Variants in RAPGEF5 observed in about 807,000 individuals in gnomAD.
RAPGEF5 encodes the protein M-Ras-regulated GEF.
In RAPGEF5, 65 loss-of-function variants were observed where a neutral mutation model predicts 125.2. The ratio of observed to expected loss-of-function variants is 0.52; its 90% CI spans 0.43 to 0.64. RAPGEF5 has a LOEUF of 0.64. Ranked by LOEUF, RAPGEF5 falls within the 30% of genes least tolerant of loss-of-function variation. The probability of loss-of-function intolerance (pLI) is 0.00; values close to 1 mark genes in which losing one functional copy is unlikely to be tolerated. For synonymous variants in RAPGEF5, 391 were observed against 385.9 expected, an observed-to-expected ratio of 1.01 and a Z score of -0.16; for missense variants, 958 against 1,048.1, an observed-to-expected ratio of 0.91 and a Z score of 1.19.
chr7:22,298,924 C>T (rs1356392992), intron 5 of RAPGEF5, among the ~76,000 whole-genome samples: 3 of 151,828 alleles, frequency 2.0e-5, no homozygotes, highest in Non-Finnish European at 2.9e-5. Context: ...TGTTAGCTTT[C>T]AAATGTAAGT....
chr7:22,195,330 T>G (rs79309234), intron 9 of RAPGEF5, among the ~76,000 whole-genome samples: 10,384 of 152,236 alleles, frequency 0.068, 423 homozygotes, highest in Middle Eastern at 0.13. Context: ...CTGATAACAA[T>G]TGTGACTTTA....
chr7:22,193,714 C>A (rs199550982), intron 10 of RAPGEF5: 2 of 1,553,256 alleles, frequency 1.3e-6, no homozygotes, highest in Non-Finnish European at 1.7e-6. Context: ...ATCTTGCCAT[C>A]CCTGTCCTTT....
intron 21 of RAPGEF5, among the ~76,000 whole-genome samples, chr7:22,138,095 T>C (rs1783137386): frequency 6.6e-6 from 1 of 151,358 alleles, no homozygotes; most frequent in South Asian, 2.1e-4. Flanking sequence ...AGACACAAAA[T>C]GGAGATATTT....
chr7:22,248,590 T>C (rs772758058), intron 7 of RAPGEF5, among the ~76,000 whole-genome samples: 4 of 152,188 alleles, frequency 2.6e-5, no homozygotes, highest in African/African-American at 7.2e-5. Flanking sequence ...GCAAGAAGTA[T>C]TCCTAGCCAG....
chr7:22,331,123 C>A (rs533184851), intron 1 of RAPGEF5, among the ~76,000 whole-genome samples: 44 of 152,168 alleles, frequency 2.9e-4, no homozygotes, highest in Admixed American at 1.4e-3. Flanking sequence ...ATGCAAACTG[C>A]GACACAGATA....
chr7:22,276,088 G>T (rs145841909), intron 6 of RAPGEF5, among the ~76,000 whole-genome samples: 5 of 152,204 alleles, frequency 3.3e-5, no homozygotes, highest in African/African-American at 1.2e-4. Flanking sequence ...ATAAAAATTT[G>T]TATATAAAAT....
At chr7:22,160,647 G>A (rs1198803432) in intron 13 of RAPGEF5, 32 bp from the exon 14 acceptor site, 1 of 1,507,554 alleles carries the variant, frequency 6.6e-7, no homozygotes, top group Non-Finnish European at 8.8e-7. Flanking sequence ...GAGCTCAGTG[G>A]TTGAATGCCC....
At chr7:22,341,077 G>A (rs1201268034) in intron 1 of RAPGEF5, among the ~76,000 whole-genome samples, 2 of 152,132 alleles carry the variant, frequency 1.3e-5, no homozygotes, top group East Asian at 1.9e-4. Flanking sequence ...GTATTACTCT[G>A]TTTTCACACT....
chr7:22,134,957 C>T (rs1783034481), intron 23 of RAPGEF5, among the ~76,000 whole-genome samples: 1 of 152,208 alleles, frequency 6.6e-6, no homozygotes, highest in African/African-American at 2.4e-5. Context: ...CACAGAGATT[C>T]TTGCTTCATA....
At chr7:22,144,988 C>T in intron 20 of RAPGEF5, 56 bp downstream of exon 20, 1 of 1,543,548 alleles carries the variant, frequency 6.5e-7, no homozygotes, top group Non-Finnish European at 8.8e-7. Context: ...GAAAGAAGAA[C>T]AATGTACTCT....
At chr7:22,215,600 G>T (rs1260995604) in intron 9 of RAPGEF5, among the ~76,000 whole-genome samples, 3 of 152,180 alleles carry the variant, frequency 2.0e-5, no homozygotes, top group Non-Finnish European at 2.9e-5. Context: ...ACAAAAGTTA[G>T]CAAATGAATG....
At chr7:22,205,949 G>A (rs1042365552) in intron 9 of RAPGEF5, among the ~76,000 whole-genome samples, 3 of 152,138 alleles carry the variant, frequency 2.0e-5, no homozygotes, top group Non-Finnish European at 4.4e-5. Context: ...GAACATAAAA[G>A]AACAGAATGA....
At chr7:22,246,363 C>T (rs1786476969) in intron 7 of RAPGEF5, among the ~76,000 whole-genome samples, 1 of 152,132 alleles carries the variant, frequency 6.6e-6, no homozygotes, top group African/African-American at 2.4e-5. Context: ...CAGCATGGTA[C>T]TGTTACAAAA....
At chr7:22,258,806 GATAAA>G (rs1012507877) in intron 7 of RAPGEF5, among the ~76,000 whole-genome samples, 3 of 151,718 alleles carry the variant, frequency 2.0e-5, no homozygotes, top group African/African-American at 7.3e-5. Context: ...ACATGCAAAA[GATAAA>G]ATAAAATAAA....
intron 18 of RAPGEF5, 142 bp downstream of exon 18, chr7:22,150,265 C>G: frequency 1.4e-6 from 1 of 717,604 alleles, no homozygotes; most frequent in Non-Finnish European, 2.2e-6. Flanking sequence ...TTTGTAGAGA[C>G]AGGGTTGCAA....
chr7:22,325,974 A>C lies in RAPGEF5; in HGVS notation c.232-7937T>G, dbSNP rs180859763. On this transcript the variant is annotated intron_variant, in intron 1 of 25. Coordinates refer to ENST00000665637, the MANE Select transcript of RAPGEF5 (RefSeq NM_012294.5). ...GAAATTGTGTGGGGTCGTCAACAGG[A>C]AAAATGTTCTCTTTTCAATTCCCAC... is the stretch of plus-strand genomic sequence containing the variant. 2.3e-3 allele frequency among the ~76,000 whole-genome samples: 352 copies of C among 152,348 alleles called. 4 individuals are homozygous for C. Among genetic ancestry groups the C allele is most frequent in the Non-Finnish European group, 1.0e-3 (69 of 68,026 alleles).
At chr7:22,317,802 G>T (rs1783633067) in intron 2 of RAPGEF5, among the ~76,000 whole-genome samples, 185 bp downstream of exon 2, 1 of 152,148 alleles carries the variant, frequency 6.6e-6, no homozygotes, top group Non-Finnish European at 1.5e-5. Context: ...TCATGACAAT[G>T]ATCAGAGCAT....
At chr7:22,333,371 T>G (rs1008467567) in intron 1 of RAPGEF5, among the ~76,000 whole-genome samples, 1 of 152,152 alleles carries the variant, frequency 6.6e-6, no homozygotes, top group Non-Finnish European at 1.5e-5. Flanking sequence ...CATTAATGTT[T>G]TTTTAAGTAA....
chr7:22,288,472 C>G (rs1782849405), intron 6 of RAPGEF5, among the ~76,000 whole-genome samples: 1 of 151,328 alleles, frequency 6.6e-6, no homozygotes, highest in South Asian at 2.1e-4. Flanking sequence ...TTATCTCACT[C>G]CTCCACCTTT....
Sources: allele counts gnomAD v4.1 joint callset (sites outside exome capture counted in the v4.1 genomes callset), GRCh38; gene constraint gnomAD v4.1.1; transcripts MANE v1.5; gene names NCBI Gene and HGNC (gene_info 2026-07-23, HGNC 2026-07-21).